CCDC88A: variants seen among roughly 807,000 people sequenced by gnomAD.
The protein encoded by CCDC88A is coiled-coil and HOOK domain protein 88A, also known as girdin.
Under a neutral mutation model 234.3 loss-of-function variants are expected in CCDC88A, and 54 were observed. The observed-to-expected ratio is 0.23, with a 90% CI of 0.19 to 0.29. The LOEUF (loss-of-function observed/expected upper bound fraction) is 0.29, where lower values mean the gene tolerates loss of function less well. CCDC88A is among the 10% of genes least tolerant of loss of function. The pLI, the probability that CCDC88A is intolerant of heterozygous loss-of-function variation, is 1.00. For synonymous variants in CCDC88A, 753 were observed against 737.8 expected (o/e 1.02, Z -0.33); for missense variants, 1,832 against 2,123.4 (o/e 0.86, Z 2.70).
At chr2:55,344,603 T>C (rs1254246141) in intron 10 of CCDC88A, 89 bp from the exon 11 acceptor site, 11 of 703,440 alleles carry the variant, frequency 1.6e-5, no homozygotes, top group Non-Finnish European at 2.2e-5. Context: ...TAAGCCATCT[T>C]TATCAACAGT....
At chr2:55,321,660 T>TA (rs1295940338) in intron 18 of CCDC88A, among the ~76,000 whole-genome samples, 2 of 152,074 alleles carry the variant, frequency 1.3e-5, no homozygotes, top group Non-Finnish European at 2.9e-5. Context: ...ATGAAATACA[T>TA]ATACATCTGC....
chr2:55,388,433 AT>A, intron 3 of CCDC88A: 1 of 95,226 alleles, frequency 1.1e-5, no homozygotes, highest in Non-Finnish European at 2.3e-5. Flanking sequence ...TATGCATCCA[AT>A]TCAGGTTTTT....
At chr2:55,360,007 T>G (rs1671085564) in intron 7 of CCDC88A, among the ~76,000 whole-genome samples, 1 of 152,172 alleles carries the variant, frequency 6.6e-6, no homozygotes, top group Non-Finnish European at 1.5e-5. Context: ...TCTGGCAAGT[T>G]ACTTAACTAC....
chr2:55,330,785 C>T (rs1039125676), intron 16 of CCDC88A, among the ~76,000 whole-genome samples: 3 of 152,112 alleles, frequency 2.0e-5, no homozygotes, highest in Admixed American at 6.5e-5. Context: ...ATTATAATCA[C>T]TTCCTATCCT....
intron 3 of CCDC88A, among the ~76,000 whole-genome samples, chr2:55,376,214 T>C (rs1673639188): frequency 3.9e-5 from 6 of 152,226 alleles, no homozygotes; most frequent in Admixed American, 3.9e-4. Flanking sequence ...TGAATTAGAC[T>C]ACAGGATGGA....
intron 23 of CCDC88A, among the ~76,000 whole-genome samples, chr2:55,311,781 T>G (rs910767705): frequency 3.3e-5 from 5 of 152,224 alleles, no homozygotes; most frequent in African/African-American, 1.2e-4. Flanking sequence ...ACAGATTGTT[T>G]AACTTTCTGG....
intron 2 of CCDC88A, among the ~76,000 whole-genome samples, chr2:55,400,178 T>C (rs1384961084): frequency 6.6e-6 from 1 of 152,180 alleles, no homozygotes; most frequent in Non-Finnish European, 1.5e-5. Flanking sequence ...ATTAATAAAG[T>C]TTTTATCAGG....
In CCDC88A at chr2:55,295,743, A is replaced by G; in HGVS notation, c.5405T>C (p.Leu1802Ser). ...TGAGATCACGCTGCTTGCACGAGGT[A>G]AAGTTGCATAAGGGTTACTATCTTT... ...QSKDSNPYAT[L>S]PRASSVISTA... is the part of the protein sequence containing the mutation. The change falls in exon 31 of 33, where the codon TTA becomes TCA. Residue 1802 changes from leucine to serine, a missense_variant. This residue lies in a region of CCDC88A where 422 missense variants were observed against 416.5 expected (regional missense o/e 1.01). Coordinates refer to ENST00000436346, the MANE Select transcript of CCDC88A (RefSeq NM_001365480.1). 6.2e-7 allele frequency: 1 copy of G among 1,614,226 alleles called. No homozygotes were observed. The highest frequency in any genetic ancestry group is 8.5e-7 in the Non-Finnish European group (1 of 1,180,042).
intron 3 of CCDC88A, among the ~76,000 whole-genome samples, chr2:55,377,550 A>G (rs1298876330): frequency 6.6e-6 from 1 of 151,998 alleles, no homozygotes; most frequent in African/African-American, 2.4e-5. Context: ...CCTAAGTCAG[A>G]CGAAAGAGCC....
chr2:55,399,355 T>C (rs183196312), intron 2 of CCDC88A, among the ~76,000 whole-genome samples: 28 of 151,776 alleles, frequency 1.8e-4, no homozygotes, highest in Middle Eastern at 6.8e-3. Flanking sequence ...TGAAACCCCG[T>C]CTCTACTAAA....
chr2:55,400,784 C>T (rs751987476), intron 2 of CCDC88A, among the ~76,000 whole-genome samples: 1 of 152,196 alleles, frequency 6.6e-6, no homozygotes, highest in Non-Finnish European at 1.5e-5. Context: ...CTTGGACCAT[C>T]TGTTCTGTGT....
At position 55,312,666 on chromosome 2, in the gene CCDC88A, TAA is replaced by T. The variant is rs1682475831; in HGVS notation, c.3934-89_3934-88del. 87 of 941,462 alleles carry T rather than the reference TAA, an allele frequency of 9.2e-5. 2 individuals carry two copies. The South Asian group carries it at 1.3e-3, about 14-fold the overall frequency. 58.3% of individuals were successfully genotyped at this position (941,462 alleles called of 1,614,324 possible). On this transcript the variant is annotated intron_variant, in intron 22 of 32. Transcript: ENST00000436346. Reference sequence around the variant, plus strand: ...AAATATGAAGTACTACACAAAGATTTAAGTGTTCCACTGTTTGAACAATTAGA... The same window carrying T: ...AAATATGAAGTACTACACAAAGATTTGTGTTCCACTGTTTGAACAATTAGA...
At chr2:55,352,020 G>A (rs996283649) in intron 8 of CCDC88A, among the ~76,000 whole-genome samples, 5 of 152,174 alleles carry the variant, frequency 3.3e-5, no homozygotes, top group Non-Finnish European at 5.9e-5. Context: ...GTCCAGAATA[G>A]GCAAAGTCAT....
intron 5 of CCDC88A, among the ~76,000 whole-genome samples, chr2:55,371,280 TA>T (rs1379853918): frequency 6.6e-6 from 1 of 152,190 alleles, no homozygotes; most frequent in Non-Finnish European, 1.5e-5. Flanking sequence ...TAAACACCTG[TA>T]CATTACACAG....
At chr2:55,311,941 A>G (rs954882101) in intron 23 of CCDC88A, among the ~76,000 whole-genome samples, 9 of 152,014 alleles carry the variant, frequency 5.9e-5, no homozygotes, top group African/African-American at 1.7e-4. Flanking sequence ...CCTTTCCTCA[A>G]TTTTGCTCCA....
intron 2 of CCDC88A, among the ~76,000 whole-genome samples, chr2:55,411,062 T>A (rs1574517400): frequency 6.6e-6 from 1 of 152,162 alleles, no homozygotes; most frequent in African/African-American, 2.4e-5. Flanking sequence ...GTTTTTGCCC[T>A]CCCACCACTC....
rs1212634950 is a variant in CCDC88A at position 55,299,709 on chromosome 2, G to A, written c.4825+130C>T. 26 of 639,390 alleles carry A rather than the reference G, an allele frequency of 4.1e-5. No individual in the cohort carries two copies. The Admixed American group carries it at 6.5e-4, about 16-fold the overall frequency. 39.6% of individuals were successfully genotyped at this position (639,390 alleles called of 1,614,324 possible). On this transcript the variant is annotated intron_variant, in intron 29 of 32. Coordinates refer to ENST00000436346, the MANE Select transcript of CCDC88A (RefSeq NM_001365480.1). ...TATTACAATGTGAAAAGTATAAAAT[G>A]TTCCAAACAACTATGTTCCAAACAT...
At chr2:55,375,881 T>A (rs1050052991) in intron 3 of CCDC88A, among the ~76,000 whole-genome samples, 1 of 152,108 alleles carries the variant, frequency 6.6e-6, no homozygotes, top group Non-Finnish European at 1.5e-5. Flanking sequence ...TCAACTGATA[T>A]TAAAATTAAG....
chr2:55,385,501 A>C (rs1389152067), intron 3 of CCDC88A, among the ~76,000 whole-genome samples: 1 of 152,216 alleles, frequency 6.6e-6, no homozygotes, highest in Non-Finnish European at 1.5e-5. Context: ...AATATTTGAA[A>C]GATACCAGAT....
Sources: allele counts gnomAD v4.1 joint callset (sites outside exome capture counted in the v4.1 genomes callset), GRCh38; gene constraint gnomAD v4.1.1; regional missense constraint gnomAD v4.1.1; transcripts MANE v1.5; gene names NCBI Gene and HGNC (gene_info 2026-07-23, HGNC 2026-07-21).